The following LRPPRC variants were observed in gnomAD, a reference collection of about 807,000 sequenced individuals.
LRPPRC encodes leucine-rich PPR motif-containing protein, mitochondrial.
LRPPRC carries 120 observed loss-of-function variants against 180.3 expected under a neutral mutation model. The observed-to-expected ratio is 0.67, with a 90% CI of 0.57 to 0.77. The LOEUF is 0.77. Among genes scored for constraint, LRPPRC ranks in the 30% least tolerant of loss-of-function variants. The probability of loss-of-function intolerance (pLI) is 0.00; values close to 1 mark genes in which losing one functional copy is unlikely to be tolerated. For missense variants in LRPPRC, 2,012 were observed against 1,657.2 expected, an observed-to-expected ratio of 1.21 and a Z score of -3.72; for synonymous variants, 723 against 600.0, an observed-to-expected ratio of 1.21 and a Z score of -3.00.
At chr2:43,954,467 GC>G (rs1673024170) in intron 14 of LRPPRC, among the ~76,000 whole-genome samples, 1 of 152,226 alleles carries the variant, frequency 6.6e-6, no homozygotes, top group Non-Finnish European at 1.5e-5. Flanking sequence ...TTGTAAGTTT[GC>G]AGGAAGTGGG....
chr2:43,985,498 C>T (rs1674491080), intron 1 of LRPPRC, among the ~76,000 whole-genome samples: 1 of 152,158 alleles, frequency 6.6e-6, no homozygotes. Flanking sequence ...TTCCTTCCAC[C>T]CTCCTTCCGA....
Position 43,921,900 on chromosome 2 carries a change from T to C in LRPPRC, c.2896+3167A>G, listed in dbSNP as rs181542170. Among the ~76,000 whole-genome samples the C allele has an allele frequency of 9.2e-5, 14 of 152,336 alleles. No individual in the cohort carries two copies. In the East Asian group the frequency reaches 2.1e-3, roughly 23 times the overall value. On this transcript the variant is annotated intron_variant, in intron 27 of 37. Coordinates refer to ENST00000260665, the MANE Select transcript of LRPPRC (RefSeq NM_133259.4). ...ATACTTTTTAAATAGATTCAAAGAATTGTATTGCAAAATTACAAATGTAAG... is the reference window on the plus strand; with the variant it reads ...ATACTTTTTAAATAGATTCAAAGAACTGTATTGCAAAATTACAAATGTAAG...
chr2:43,983,926 G>A (rs1271067999), intron 1 of LRPPRC, among the ~76,000 whole-genome samples: 1 of 151,930 alleles, frequency 6.6e-6, no homozygotes. Context: ...CCACCATCTA[G>A]GTATAAAATA....
chr2:43,918,762 G>C (rs1671571168), intron 27 of LRPPRC, among the ~76,000 whole-genome samples: 2 of 145,228 alleles, frequency 1.4e-5, no homozygotes, highest in Non-Finnish European at 1.5e-5. Flanking sequence ...CTTTAGCGTT[G>C]CAAAGATCCT....
intron 25 of LRPPRC, 60 bp downstream of exon 25, chr2:43,934,130 T>C (rs1672186472): frequency 1.1e-6 from 1 of 940,222 alleles, no homozygotes; most frequent in East Asian, 2.5e-5. Context: ...AATTTTTAAA[T>C]GTATTCTAAT....
chr2:43,903,716 C>A (rs1033234851), intron 31 of LRPPRC: 2 of 150,690 alleles, frequency 1.3e-5, no homozygotes, highest in African/African-American at 2.4e-5. Context: ...TTACACAGGG[C>A]ACCTAACATA....
At chr2:43,927,380 T>A (rs1671916325) in intron 25 of LRPPRC, among the ~76,000 whole-genome samples, 1 of 152,228 alleles carries the variant, frequency 6.6e-6, no homozygotes, top group Admixed American at 6.5e-5. Context: ...ATTGGTAGAC[T>A]AGAAGTTGGA....
At position 43,888,640 on chromosome 2, in the gene LRPPRC, T is replaced by C; in HGVS notation, c.4145A>G (p.Tyr1382Cys). The C allele has an allele frequency of 2.5e-6, 4 of 1,598,916 alleles. No homozygotes were observed. The highest frequency in any genetic ancestry group is 2.2e-5 in the East Asian group (1 of 44,768). Residue 1382 changes from tyrosine (Y) to cysteine (C), a missense_variant, in exon 38 of 38, where the codon TAT becomes TGT. Transcript: ENST00000260665. ...CCTCAATTTTCTTAGCTGCTGTGCA[T>C]AAAATTCAAAGCTTTCCTGTTAAGG... Reference protein sequence around the residue: ...FIEPPESFEFYAQQLRKLREN... With the variant: ...FIEPPESFEFCAQQLRKLREN...
At chr2:43,979,045 G>A (rs1458463655) in intron 3 of LRPPRC, among the ~76,000 whole-genome samples, 2 of 151,948 alleles carry the variant, frequency 1.3e-5, no homozygotes, top group Non-Finnish European at 2.9e-5. Context: ...CATTAAAGAA[G>A]CATCTTTCTA....
intron 25 of LRPPRC, among the ~76,000 whole-genome samples, chr2:43,933,885 A>T (rs1197956456): frequency 2.0e-5 from 3 of 152,196 alleles, no homozygotes; most frequent in Non-Finnish European, 2.9e-5. Context: ...CTTTACACCC[A>T]GGAATGCCAG....
At chr2:43,915,226 TCTCTCTCACA>T (rs1478873268) in intron 29 of LRPPRC, among the ~76,000 whole-genome samples, 1,225 of 83,730 alleles carry the variant, frequency 0.015, 13 homozygotes, top group East Asian at 0.051. Flanking sequence ...TCTCTCTCTC[TCTCTCTCACA>T]CACACACACA....
intron 20 of LRPPRC, 55 bp from the exon 21 acceptor site, chr2:43,946,298 C>A: frequency 1.5e-6 from 2 of 1,377,210 alleles, no homozygotes; most frequent in South Asian, 2.3e-5. Context: ...GTAAAAATGT[C>A]ACATTTTTAG....
At chr2:43,961,642 C>T (rs1343059868) in intron 12 of LRPPRC, among the ~76,000 whole-genome samples, 1 of 152,120 alleles carries the variant, frequency 6.6e-6, no homozygotes, top group Non-Finnish European at 1.5e-5. Context: ...TAAAAATGTA[C>T]TTTTTAATGC....
intron 36 of LRPPRC, among the ~76,000 whole-genome samples, chr2:43,890,582 G>A (rs1036123381): frequency 9.9e-5 from 15 of 152,078 alleles, no homozygotes; most frequent in Non-Finnish European, 1.6e-4. Context: ...GCGTGGTGGC[G>A]GGTGTCTGTA....
intron 27 of LRPPRC, among the ~76,000 whole-genome samples, chr2:43,921,668 G>A (rs1265357573): frequency 1.3e-5 from 2 of 152,248 alleles, no homozygotes; most frequent in East Asian, 3.9e-4. Context: ...GTTAGGGGGT[G>A]GTGGTGGACA....
At chr2:43,964,712 A>T (rs777955825) in intron 11 of LRPPRC, among the ~76,000 whole-genome samples, 2 of 152,002 alleles carry the variant, frequency 1.3e-5, no homozygotes, top group South Asian at 2.1e-4. Flanking sequence ...AAAAACTATA[A>T]TTTTTTTTAA....
intron 30 of LRPPRC, among the ~76,000 whole-genome samples, chr2:43,907,991 A>G (rs1340116697): frequency 1.3e-5 from 2 of 152,216 alleles, no homozygotes; most frequent in East Asian, 1.9e-4. Context: ...CATGTAAGCA[A>G]TGACTGTGCT....
At chr2:43,939,933 T>A (rs566217887) in intron 23 of LRPPRC, among the ~76,000 whole-genome samples, 1 of 152,182 alleles carries the variant, frequency 6.6e-6, no homozygotes, top group Non-Finnish European at 1.5e-5. Context: ...TGCTCTTTTG[T>A]TCAGAATAAA....
chr2:43,983,995 G>C (rs1377978715), intron 1 of LRPPRC, among the ~76,000 whole-genome samples: 1 of 152,064 alleles, frequency 6.6e-6, no homozygotes, highest in Non-Finnish European at 1.5e-5. Flanking sequence ...TAAGACCAAT[G>C]ATCAGCACAT....
Sources: allele counts gnomAD v4.1 joint callset (sites outside exome capture counted in the v4.1 genomes callset), GRCh38; gene constraint gnomAD v4.1.1; transcripts MANE v1.5; gene names NCBI Gene and HGNC (gene_info 2026-07-23, HGNC 2026-07-21).